PIH1D2: variants seen among roughly 807,000 people sequenced by gnomAD.
The protein encoded by PIH1D2 is PIH1 domain-containing protein 2.
Under a neutral mutation model 31.2 loss-of-function variants are expected in PIH1D2, and 25 were observed. That is an observed-to-expected ratio of 0.80 (90% confidence interval 0.58 to 1.12). The LOEUF is 1.12. PIH1D2 is among the 50% of genes most tolerant of loss of function. PIH1D2 has a pLI of 0.00. For missense variants in PIH1D2, 310 were observed against 356.6 expected (o/e 0.87, Z 1.05); for synonymous variants, 116 against 119.9 (o/e 0.97, Z 0.21).
rs782742395 is a variant in PIH1D2, at chr11:112,067,863, C to G, written c.*8G>C. 9 of 1,611,214 alleles carry G rather than the reference C, an allele frequency of 5.6e-6. No individual in the cohort carries two copies. The highest frequency in any genetic ancestry group is 7.6e-6 in the Non-Finnish European group (9 of 1,179,248). Reference sequence around the variant, plus strand: ...CACTGAAAACCCAAAACATATGATGCTCTTCTTTCACACCAAAGGCATTGT... The same window carrying G: ...CACTGAAAACCCAAAACATATGATGGTCTTCTTTCACACCAAAGGCATTGT... On this transcript the variant is annotated 3_prime_UTR_variant, in exon 6 of 6. Coordinates refer to ENST00000280350, the MANE Select transcript of PIH1D2 (RefSeq NM_138789.4).
the PIH1D2 span, among the ~76,000 whole-genome samples, chr11:112,053,049 G>A: frequency 2.6e-5 from 4 of 152,044 alleles, no homozygotes; most frequent in Admixed American, 2.6e-4. Flanking sequence ...ATATTTTAGG[G>A]CCGGGCTCAC....
At chr11:112,056,411 A>G in the PIH1D2 span, among the ~76,000 whole-genome samples, 1 of 152,188 alleles carries the variant, frequency 6.6e-6, no homozygotes, top group Non-Finnish European at 1.5e-5. Context: ...TGTATTTTCT[A>G]GACCTTTTAT....
At chr11:112,064,250 C>G (rs781907058), downstream of PIH1D2, 1 of 1,530,962 alleles carries the variant, frequency 6.5e-7, no homozygotes, top group African/African-American at 1.4e-5. Flanking sequence ...CAGTTGCCTT[C>G]TAATAAACAT....
chr11:112,070,495 A>T lies in PIH1D2; in HGVS notation c.754T>A (p.Leu252Met). 6.2e-7 allele frequency: 1 copy of T among 1,614,084 alleles called. No homozygotes were observed. The change falls in exon 5 of 6, where the codon TTG becomes ATG. Residue 252 changes from leucine (L) to methionine (M), a missense_variant. Physicochemically the swap from Leu to Met is conservative, Grantham distance 15. Coordinates refer to ENST00000280350, the MANE Select transcript of PIH1D2 (RefSeq NM_138789.4). ...TTAATACCAGGTAATTCAACTTTCA[A>T]CTCAATTTTCAGAGGTTTCTCACTG... ...DHSEKPLKIE[L>M]KVELPGINSV...
In PIH1D2 at chr11:112,073,200, T is replaced by C; in HGVS notation, c.-26A>G. 6.5e-7 allele frequency: 1 copy of C among 1,539,230 alleles called. No homozygotes were observed. Among genetic ancestry groups the C allele is most frequent in the Non-Finnish European group, 8.8e-7 (1 of 1,134,050 alleles). On this transcript the variant is annotated 5_prime_UTR_variant, in exon 2 of 6. Transcript: ENST00000280350. ...GACTTATGAGTGGTGAATAATTTTC[T>C]TAAGCCTGTGGAAAAACACGACTTC...
chr11:112,060,005 T>A, downstream of PIH1D2: 1 of 1,613,950 alleles, frequency 6.2e-7, no homozygotes, highest in Non-Finnish European at 8.5e-7. Context: ...CCATTGCTAA[T>A]GATGTTGTTT....
At chr11:112,063,431 A>G (rs1864760258), downstream of PIH1D2, 1 of 152,648 alleles carries the variant, frequency 6.6e-6, no homozygotes, top group Non-Finnish European at 1.5e-5. Flanking sequence ...AGGAATATAT[A>G]TGGAATAAGT....
At chr11:112,070,753 A>C in intron 4 of PIH1D2, 52 bp from the exon 5 acceptor site, 1 of 1,556,244 alleles carries the variant, frequency 6.4e-7, no homozygotes, top group Non-Finnish European at 8.8e-7. Flanking sequence ...TACAACATAA[A>C]ATACTATGAG....
chr11:112,052,499 T>C, the PIH1D2 span, among the ~76,000 whole-genome samples: 3 of 152,180 alleles, frequency 2.0e-5, no homozygotes, highest in African/African-American at 7.2e-5. Flanking sequence ...GGAAACACTT[T>C]ATGTTTATTA....
At chr11:112,061,193 G>A, downstream of PIH1D2, 1 of 1,613,824 alleles carries the variant, frequency 6.2e-7, no homozygotes, top group Non-Finnish European at 8.5e-7. Context: ...CAAAATGGAG[G>A]GGAAGTCGTA....
chr11:112,072,549 CAAAAAAAA>C lies in PIH1D2; in HGVS notation c.177+441_177+448del, dbSNP rs148760956. 1.7e-4 allele frequency among the ~76,000 whole-genome samples: 6 copies of C among 36,356 alleles called. No homozygotes were observed. The Admixed American group carries it at 2.3e-3, about 14-fold the overall frequency. The allele number at this position is 36,356 out of a possible 152,430, so 23.9% of individuals were successfully genotyped here. On this transcript the variant is annotated intron_variant, in intron 2 of 5. Coordinates refer to ENST00000280350, the MANE Select transcript of PIH1D2 (RefSeq NM_138789.4). Reference sequence around the variant, plus strand: ...CGACAGAGCCAGCAAGACCCTATCTCAAAAAAAAAAAAAAAAAAAAAAAAAAAAAGTCT... The same window carrying C: ...CGACAGAGCCAGCAAGACCCTATCTCAAAAAAAAAAAAAAAAAAAAAGTCT...
At chr11:112,073,331 G>A (rs1865207883) in intron 1 of PIH1D2, 126 bp from the exon 2 acceptor site, 1 of 584,668 alleles carries the variant, frequency 1.7e-6, no homozygotes, top group Non-Finnish European at 2.9e-6. Context: ...TGTCTAAAAG[G>A]TTGTGGATCA....
chr11:112,063,936 A>T (rs1210145210), downstream of PIH1D2: 1 of 401,348 alleles, frequency 2.5e-6, no homozygotes, highest in East Asian at 3.8e-5. Flanking sequence ...AGCCCCTGAA[A>T]TTTGCTTTAA....
At chr11:112,057,930 C>G in the PIH1D2 span, among the ~76,000 whole-genome samples, 1 of 152,104 alleles carries the variant, frequency 6.6e-6, no homozygotes, top group Non-Finnish European at 1.5e-5. Flanking sequence ...TTTTGTTAGT[C>G]ACGATGCTAT....
downstream of PIH1D2, chr11:112,059,860 TA>T: frequency 6.7e-7 from 1 of 1,501,088 alleles, no homozygotes; most frequent in East Asian, 2.5e-5. Context: ...CACAGGCTCT[TA>T]ATAAACAGTT....
In PIH1D2 at chr11:112,070,707, T is replaced by C. The variant is rs782408311; in HGVS notation, c.548-6A>G. On this transcript the variant is annotated splice_region_variant and splice_polypyrimidine_tract_variant and intron_variant, in intron 4 of 5. Transcript: ENST00000280350. The stretch of plus-strand genomic sequence containing the variant: ...TATCTGTCCAAGAGTTAGTTCTTTA[T>C]GAAAAAAAGGGTGGAGGGGAGATAA... 3 of 1,598,864 alleles carry C rather than the reference T, an allele frequency of 1.9e-6. No homozygotes were observed. Among genetic ancestry groups the C allele is most frequent in the South Asian group, 1.1e-5 (1 of 89,132 alleles).
At chr11:112,057,580 ATTCCCT>A in the PIH1D2 span, among the ~76,000 whole-genome samples, 1 of 152,256 alleles carries the variant, frequency 6.6e-6, no homozygotes, top group Non-Finnish European at 1.5e-5. Flanking sequence ...CAGGTACAGC[ATTCCCT>A]TAAGCCAAAG....
downstream of PIH1D2, chr11:112,062,881 T>G: frequency 4.0e-6 from 1 of 252,342 alleles, no homozygotes; most frequent in South Asian, 4.9e-5. Context: ...AAGGTGACCC[T>G]GATGAAACCT....
chr11:112,071,322 T>C (rs1865103068), intron 3 of PIH1D2, 39 bp from the exon 4 acceptor site: 1 of 1,574,242 alleles, frequency 6.4e-7, no homozygotes. Flanking sequence ...TGAAGAAAAA[T>C]TGTTGCACTA....
Sources: gnomAD v4.1 joint callset for allele counts (sites outside exome capture counted in the v4.1 genomes callset) on GRCh38, gnomAD v4.1.1 for gene constraint, MANE v1.5 for transcripts, NCBI Gene and HGNC (gene_info 2026-07-23, HGNC 2026-07-21) for gene names.